XPNPEP1: variants seen among roughly 807,000 people sequenced by gnomAD.
The protein encoded by XPNPEP1 is X-prolyl aminopeptidase 1, also known as xaa-Pro aminopeptidase 1.
XPNPEP1 carries 39 observed loss-of-function variants against 92.4 expected under a neutral mutation model. The observed-to-expected ratio is 0.42, with a 90% CI of 0.33 to 0.55. The LOEUF is 0.55. Among genes scored for constraint, XPNPEP1 ranks in the 20% least tolerant of loss-of-function variants. The pLI, the probability that XPNPEP1 is intolerant of heterozygous loss-of-function variation, is 0.08. For synonymous variants in XPNPEP1, 307 were observed against 299.4 expected (o/e 1.03, Z -0.26); for missense variants, 654 against 856.1 (o/e 0.76, Z 2.95).
intron 8 of XPNPEP1, among the ~76,000 whole-genome samples, chr10:109,885,764 G>C (rs1848354818): frequency 6.6e-6 from 1 of 152,192 alleles, no homozygotes; most frequent in Non-Finnish European, 1.5e-5. Context: ...GTGGGTTAAG[G>C]TCCAAAGACT....
chr10:109,921,884 T>C lies in XPNPEP1; in HGVS notation c.32+1518A>G, dbSNP rs1850562845. Among the ~76,000 whole-genome samples, 3 of 152,360 alleles carry C rather than the reference T, an allele frequency of 2.0e-5. No homozygotes were observed. The South Asian group carries it at 6.2e-4, about 32-fold the overall frequency. On this transcript the variant is annotated intron_variant, in intron 1 of 20. Coordinates refer to ENST00000502935, the MANE Select transcript of XPNPEP1 (RefSeq NM_020383.4). ...CAGTGAGCATCAGATCAGGGACTTC[T>C]GCTCCATTAGGAAGGAGGGCTCAAC...
chr10:109,923,178 C>G, intron 1 of XPNPEP1: 1 of 985,336 alleles, frequency 1.0e-6, no homozygotes, highest in South Asian at 4.7e-5. Context: ...ACTCGGGCCG[C>G]CCCGTGCCCA....
At chr10:109,889,924 AT>A (rs1014025874) in intron 5 of XPNPEP1, among the ~76,000 whole-genome samples, 6 of 151,874 alleles carry the variant, frequency 4.0e-5, no homozygotes, top group African/African-American at 1.5e-4. Flanking sequence ...ATTCTTTCCT[AT>A]TTTTTTTCAA....
intron 3 of XPNPEP1, among the ~76,000 whole-genome samples, chr10:109,897,319 T>A (rs1400864358): frequency 6.6e-6 from 1 of 152,126 alleles, no homozygotes; most frequent in Non-Finnish European, 1.5e-5. Flanking sequence ...AGTGCTCCCT[T>A]TTCCATGAAG....
intron 3 of XPNPEP1, among the ~76,000 whole-genome samples, chr10:109,906,254 T>C (rs1173467583): frequency 4.6e-5 from 7 of 152,124 alleles, no homozygotes; most frequent in African/African-American, 1.7e-4. Flanking sequence ...CAGAACCAAG[T>C]TGCTACATAT....
chr10:109,907,148 A>T (rs1849599413), intron 3 of XPNPEP1, among the ~76,000 whole-genome samples: 1 of 152,184 alleles, frequency 6.6e-6, no homozygotes, highest in African/African-American at 2.4e-5. Context: ...TAGCACTCTT[A>T]TATTATTTCA....
At chr10:109,889,104 C>T (rs1284608359) in intron 5 of XPNPEP1, among the ~76,000 whole-genome samples, 1 of 152,248 alleles carries the variant, frequency 6.6e-6, no homozygotes, top group Non-Finnish European at 1.5e-5. Flanking sequence ...TGCCCCATAA[C>T]CAGCCTCTGA....
intron 8 of XPNPEP1, 82 bp from the exon 9 acceptor site, chr10:109,884,230 G>T: frequency 7.5e-7 from 1 of 1,340,096 alleles, no homozygotes; most frequent in Non-Finnish European, 1.1e-6. Flanking sequence ...AAGAGCTTCA[G>T]CTTGGAGTCC....
chr10:109,921,258 C>T (rs188276106), intron 1 of XPNPEP1, among the ~76,000 whole-genome samples: 1 of 152,364 alleles, frequency 6.6e-6, no homozygotes, highest in African/African-American at 2.4e-5. Flanking sequence ...ATGACTGGCT[C>T]AAGGCCTCAC....
At chr10:109,866,131 T>C (rs1397968984) in intron 20 of XPNPEP1, among the ~76,000 whole-genome samples, 1 of 152,178 alleles carries the variant, frequency 6.6e-6, no homozygotes, top group Non-Finnish European at 1.5e-5. Flanking sequence ...CTGATGAGAC[T>C]GATAGTGCCA....
At chr10:109,913,014 G>C (rs1210015273) in intron 2 of XPNPEP1, among the ~76,000 whole-genome samples, 1 of 152,186 alleles carries the variant, frequency 6.6e-6, no homozygotes, top group Admixed American at 6.5e-5. Flanking sequence ...AGAAATGTTA[G>C]AAACAGCCAA....
rs187496390 is a variant in XPNPEP1, at chr10:109,888,640, C to T, written c.416-45G>A. ...TAAGAAACAATTCCCAGTGGGCCCA[C>T]GCTCATTATCCCACCAGAAAGATAC... On this transcript the variant is annotated intron_variant, in intron 5 of 20. Transcript: ENST00000502935. 6.3e-5 allele frequency: 91 copies of T among 1,447,528 alleles called. 1 individual carries two copies. The highest frequency in any genetic ancestry group is 8.4e-5 in the African/African-American group (6 of 71,374). 89.7% of individuals were successfully genotyped at this position (1,447,528 alleles called of 1,614,324 possible).
chr10:109,923,298 G>C, intron 1 of XPNPEP1, 104 bp downstream of exon 1: 1 of 1,238,650 alleles, frequency 8.1e-7, no homozygotes, highest in Non-Finnish European at 1.0e-6. Context: ...CGGCGGGCCG[G>C]GCTCCTCACC....
chr10:109,915,110 G>C lies in XPNPEP1; in HGVS notation c.33-11C>G. ...TCCTGGTGATTCACCCTTAAGGAGA[G>C]AAAGAACAGGAAGTTGCAGACTTTG... On this transcript the variant is annotated splice_polypyrimidine_tract_variant and intron_variant, in intron 1 of 20. Coordinates refer to ENST00000502935, the MANE Select transcript of XPNPEP1 (RefSeq NM_020383.4). 1.3e-6 allele frequency: 2 copies of C among 1,484,504 alleles called. No individual in the cohort carries two copies. The highest frequency in any genetic ancestry group is 1.8e-6 in the Non-Finnish European group (2 of 1,113,016). The allele number at this position is 1,484,504 out of a possible 1,614,324, so 92.0% of individuals were successfully genotyped here.
chr10:109,918,504 G>A (rs1281814694), intron 1 of XPNPEP1, among the ~76,000 whole-genome samples: 1 of 152,162 alleles, frequency 6.6e-6, no homozygotes. Context: ...GCTCACGCCT[G>A]TAATCCCAGC....
chr10:109,909,914 T>G (rs1849770803), intron 2 of XPNPEP1, among the ~76,000 whole-genome samples: 1 of 151,988 alleles, frequency 6.6e-6, no homozygotes, highest in African/African-American at 2.4e-5. Context: ...CCAACCAGAG[T>G]AGTACATTTG....
At chr10:109,872,561 C>T (rs1405167135) in intron 16 of XPNPEP1, among the ~76,000 whole-genome samples, 2 of 152,342 alleles carry the variant, frequency 1.3e-5, no homozygotes, top group East Asian at 3.9e-4. Context: ...GGTCCAAATT[C>T]TTCTAAGGCA....
At position 109,893,106 on chromosome 10, in the gene XPNPEP1, C is replaced by A. The variant is rs765725880; in HGVS notation, c.247-31G>T. 3 of 1,602,214 alleles carry A rather than the reference C, an allele frequency of 1.9e-6. No individual in the cohort carries two copies. In the East Asian group the frequency reaches 6.7e-5, roughly 36 times the overall value. ...AAACAAAGATGACAACAAAGTGGGCCTCGATCAGTCATGAGCAGACTGTTC... is the reference window on the plus strand; with the variant it reads ...AAACAAAGATGACAACAAAGTGGGCATCGATCAGTCATGAGCAGACTGTTC... On this transcript the variant is annotated intron_variant, in intron 3 of 20. Transcript: ENST00000502935.
intron 3 of XPNPEP1, among the ~76,000 whole-genome samples, chr10:109,906,223 C>T (rs1264394739): frequency 6.6e-6 from 1 of 152,198 alleles, no homozygotes; most frequent in African/African-American, 2.4e-5. Flanking sequence ...CGTGCACACA[C>T]ACAGAGTAAC....
Sources: allele counts gnomAD v4.1 joint callset (sites outside exome capture counted in the v4.1 genomes callset), GRCh38; gene constraint gnomAD v4.1.1; transcripts MANE v1.5; gene names NCBI Gene and HGNC (gene_info 2026-07-23, HGNC 2026-07-21).